NUGGC: variants seen among roughly 807,000 people sequenced by gnomAD.
NUGGC encodes the protein nuclear GTPase, germinal center associated.
Under a neutral mutation model 92.6 loss-of-function variants are expected in NUGGC, and 58 were observed. The observed-to-expected ratio is 0.63, with a 90% CI of 0.51 to 0.78. The LOEUF is 0.78. NUGGC is among the 30% of genes least tolerant of loss of function. NUGGC has a pLI of 0.00. For synonymous variants in NUGGC, 376 were observed against 366.4 expected, an observed-to-expected ratio of 1.03 and a Z score of -0.30; for missense variants, 925 against 964.6, an observed-to-expected ratio of 0.96 and a Z score of 0.54.
intron 17 of NUGGC, 100 bp from the exon 18 acceptor site, chr8:28,027,152 C>T: frequency 2.1e-6 from 2 of 958,004 alleles, no homozygotes; most frequent in Non-Finnish European, 3.3e-6. Context: ...ACGGAAGGTA[C>T]AGACTGGGGT....
chr8:28,055,988 T>C lies in NUGGC; in HGVS notation c.1183A>G (p.Arg395Gly), dbSNP rs1197161926. The change falls in exon 10 of 19, where the codon AGA (arginine) becomes GGA (glycine). Residue 395 changes from arginine to glycine, a missense_variant. By Grantham distance (125) the Arg-to-Gly change is moderately radical (BLOSUM62 -2). Transcript: ENST00000413272. ...RNEMIKLQRT[R>G]ILKEKLKRKL... ...ACCTTCAGTTTTTCCTTGAGAATTCTAGTCCTTTGTAGTTTTATCATTTCA... is the reference window on the plus strand; with the variant it reads ...ACCTTCAGTTTTTCCTTGAGAATTCCAGTCCTTTGTAGTTTTATCATTTCA... 6 of 1,549,516 alleles carry C rather than the reference T, an allele frequency of 3.9e-6. No individual in the cohort carries two copies. The highest frequency in any genetic ancestry group is 5.3e-6 in the Non-Finnish European group (6 of 1,139,250).
intron 8 of NUGGC, among the ~76,000 whole-genome samples, chr8:28,058,706 A>AT (rs35352060): frequency 0.12 from 18,173 of 146,164 alleles, 1,392 homozygotes; most frequent in South Asian, 0.19. Context: ...AATTATGTTA[A>AT]TTTTTTTTTT....
In NUGGC at chr8:28,031,417, G is replaced by A. The variant is rs1357282460; in HGVS notation, c.1770-36C>T. ...AAGTGACAAAAAAGTTTAAGAGAAT[G>A]GTGGCTGCTGTGAGGCTGAAACAAA... is the stretch of plus-strand genomic sequence containing the variant. On this transcript the variant is annotated intron_variant, in intron 14 of 18. Transcript: ENST00000413272. 4 of 1,605,268 alleles carry A rather than the reference G, an allele frequency of 2.5e-6. No homozygotes were observed. In the South Asian group the frequency reaches 4.4e-5, roughly 18 times the overall value.
rs1036866086 is a variant in NUGGC at position 28,030,386 on chromosome 8, G to A, written c.1941C>T (p.His647=). The A allele has an allele frequency of 1.9e-6, 3 of 1,578,012 alleles. No individual in the cohort carries two copies. Among genetic ancestry groups the A allele is most frequent in the Non-Finnish European group, 2.6e-6 (3 of 1,160,124 alleles). ...ISAILGGLED[H]ILRRKRRIYE... is the part of the protein sequence containing the mutation. ...AGATCCTCCTCTTCCTTCTGAGGAT[G>A]TGGTCCTCCAGGCCCCCGAGGATGG... The change falls in exon 16 of 19, where the codon CAC becomes CAT. Residue 647 remains histidine, a synonymous_variant. Coordinates refer to ENST00000413272, the MANE Select transcript of NUGGC (RefSeq NM_001010906.2).
intron 10 of NUGGC, among the ~76,000 whole-genome samples, chr8:28,050,460 G>A (rs759610730): frequency 1.8e-4 from 27 of 152,086 alleles, no homozygotes; most frequent in Non-Finnish European, 3.4e-4. Flanking sequence ...GTTATTCAAT[G>A]GAAGCAGAAT....
At chr8:28,041,423 G>A (rs887481978) in intron 12 of NUGGC, among the ~76,000 whole-genome samples, 1 of 152,148 alleles carries the variant, frequency 6.6e-6, no homozygotes, top group African/African-American at 2.4e-5. Context: ...ATACCTGCCT[G>A]GTGCAACTTA....
Position 28,068,447 on chromosome 8 carries a change from A to C in NUGGC, c.258-9T>G, listed in dbSNP as rs1172412045. On this transcript the variant is annotated splice_polypyrimidine_tract_variant and intron_variant, in intron 4 of 18. Transcript: ENST00000413272. Reference sequence around the variant, plus strand: ...AGGCAAGAAGCCTATTTCTGGATGAATTTTAAAATGCACATTGCCATGATC... The same window carrying C: ...AGGCAAGAAGCCTATTTCTGGATGACTTTTAAAATGCACATTGCCATGATC... 5 of 1,526,592 alleles carry C rather than the reference A, an allele frequency of 3.3e-6. No individual in the cohort carries two copies. The allele number at this position is 1,526,592 out of a possible 1,614,324, so 94.6% of individuals were successfully genotyped here.
intron 2 of NUGGC, among the ~76,000 whole-genome samples, chr8:28,073,268 C>T (rs1220482795): frequency 6.6e-6 from 1 of 151,702 alleles, no homozygotes; most frequent in Non-Finnish European, 1.5e-5. Flanking sequence ...CTGCCTTGGC[C>T]TCCCAAAGTC....
intron 1 of NUGGC, among the ~76,000 whole-genome samples, chr8:28,081,460 C>A (rs186803865): frequency 6.6e-6 from 1 of 152,284 alleles, no homozygotes; most frequent in African/African-American, 2.4e-5. Context: ...GAAATCAGTA[C>A]TAGTGTCATC....
At chr8:28,064,913 A>G (rs1810400622) in intron 6 of NUGGC, among the ~76,000 whole-genome samples, 182 bp from the exon 7 acceptor site, 1 of 152,214 alleles carries the variant, frequency 6.6e-6, no homozygotes, top group Admixed American at 6.5e-5. Flanking sequence ...CCTGGAGAGG[A>G]GCAAGTTCAA....
chr8:28,069,250 A>G (rs1044342027), intron 4 of NUGGC, among the ~76,000 whole-genome samples: 1 of 152,164 alleles, frequency 6.6e-6, no homozygotes, highest in Non-Finnish European at 1.5e-5. Flanking sequence ...GAGTTTGTTC[A>G]CATCTGGGCC....
chr8:28,055,921 T>C, intron 10 of NUGGC, 44 bp downstream of exon 10: 1 of 1,097,858 alleles, frequency 9.1e-7, no homozygotes. Context: ...CAAAATCTAG[T>C]TGCTGGGATA....
chr8:28,048,344 C>T (rs1984880), intron 10 of NUGGC, among the ~76,000 whole-genome samples: 69,770 of 151,898 alleles, frequency 0.46, 16,549 homozygotes, highest in East Asian at 0.63. Context: ...GGTCCCAATC[C>T]CCACTAACTC....
intron 17 of NUGGC, among the ~76,000 whole-genome samples, chr8:28,028,418 G>A (rs890512151): frequency 1.2e-4 from 19 of 152,222 alleles, no homozygotes; most frequent in African/African-American, 4.3e-4. Flanking sequence ...TCCCGGTGGA[G>A]GAGAGGAGAT....
At chr8:28,026,790 TC>T (rs1247105493) in intron 18 of NUGGC, among the ~76,000 whole-genome samples, 171 bp downstream of exon 18, 4 of 152,036 alleles carry the variant, frequency 2.6e-5, no homozygotes, top group Non-Finnish European at 4.4e-5. Context: ...ATCATCATCA[TC>T]ATCACCATCA....
chr8:28,026,647 G>A (rs1004875904), intron 18 of NUGGC, among the ~76,000 whole-genome samples: 7 of 152,196 alleles, frequency 4.6e-5, no homozygotes, highest in African/African-American at 1.7e-4. Flanking sequence ...GCAAAATGGA[G>A]CAACAACATC....
intron 1 of NUGGC, among the ~76,000 whole-genome samples, chr8:28,076,077 C>G: frequency 6.6e-6 from 1 of 152,224 alleles, no homozygotes; most frequent in East Asian, 1.9e-4. Flanking sequence ...CGGCTCCATA[C>G]ACACCTGTGT....
chr8:28,059,915 G>C (rs1014268235), intron 8 of NUGGC, among the ~76,000 whole-genome samples: 1 of 152,110 alleles, frequency 6.6e-6, no homozygotes, highest in African/African-American at 2.4e-5. Context: ...CAGCCACTCG[G>C]GAGGCTGAGG....
intron 1 of NUGGC, among the ~76,000 whole-genome samples, chr8:28,078,845 G>A (rs1810782850): frequency 6.6e-6 from 1 of 152,168 alleles, no homozygotes; most frequent in Non-Finnish European, 1.5e-5. Context: ...GAATGGTGGT[G>A]TTCATTGTGA....
Sources: gnomAD v4.1 joint callset for allele counts (sites outside exome capture counted in the v4.1 genomes callset) on GRCh38, gnomAD v4.1.1 for gene constraint, MANE v1.5 for transcripts, NCBI Gene and HGNC (gene_info 2026-07-23, HGNC 2026-07-21) for gene names.